DLGAP2: variants seen among roughly 807,000 people sequenced by gnomAD.
DLGAP2 encodes disks large-associated protein 2.
A neutral mutation model predicts 100.3 loss-of-function variants in DLGAP2; 26 were observed. The observed-to-expected ratio is 0.26, with a 90% CI of 0.19 to 0.36. The LOEUF (loss-of-function observed/expected upper bound fraction) is 0.36. Ranked by LOEUF, DLGAP2 falls within the 10% of genes least tolerant of loss-of-function variation. DLGAP2 has a pLI of 1.00. For synonymous variants in DLGAP2, 886 were observed against 630.1 expected (o/e 1.41, Z -6.08); for missense variants, 1,858 against 1,453.2 (o/e 1.28, Z -4.53).
At chr8:1,361,504 C>A (rs191948749) in intron 3 of DLGAP2, among the ~76,000 whole-genome samples, 1 of 152,300 alleles carries the variant, frequency 6.6e-6, no homozygotes, top group East Asian at 1.9e-4. Context: ...TGTAGGTAGC[C>A]GTCTGGTGCT....
At chr8:1,671,663 G>C (rs539572858) in intron 10 of DLGAP2, among the ~76,000 whole-genome samples, 2 of 152,342 alleles carry the variant, frequency 1.3e-5, no homozygotes, top group South Asian at 4.1e-4. Context: ...CCTAATGAGT[G>C]AGGGTCCTCA....
At chr8:867,075 A>AC (rs1409849911) in intron 1 of DLGAP2, among the ~76,000 whole-genome samples, 1 of 152,136 alleles carries the variant, frequency 6.6e-6, no homozygotes, top group Non-Finnish European at 1.5e-5. Flanking sequence ...CAGCTGTCTA[A>AC]CCCGGTACCA....
rs560609398 is a variant in DLGAP2, at chr8:1,684,212, G to T, written c.2704+5583G>T. Among the ~76,000 whole-genome samples the T allele has an allele frequency of 2.0e-5, 3 of 151,722 alleles. No individual in the cohort carries two copies. In the South Asian group the frequency reaches 6.3e-4, roughly 32 times the overall value. ...TGAACACAAGGAACAGAGAATGGAT[G>T]AACTTGATACTTTTTGTGATTTTCT... On this transcript the variant is annotated intron_variant, in intron 12 of 14. Coordinates refer to ENST00000637795, the MANE Select transcript of DLGAP2 (RefSeq NM_001346810.2).
At chr8:1,219,475 C>T (rs889583316) in intron 2 of DLGAP2, among the ~76,000 whole-genome samples, 8 of 152,022 alleles carry the variant, frequency 5.3e-5, no homozygotes, top group African/African-American at 9.7e-5. Context: ...CCTGCCTGAC[C>T]GTGGTGGATT....
rs1204022576 is a variant in DLGAP2 at position 1,315,400 on chromosome 8, A to C, written c.106+56517A>C. 1.4e-5 allele frequency among the ~76,000 whole-genome samples: 2 copies of C among 143,802 alleles called. 1 individual carries two copies. The highest frequency in any genetic ancestry group is 4.1e-4 in the East Asian group (2 of 4,876). The allele number at this position is 143,802 out of a possible 152,430, so 94.3% of individuals were successfully genotyped here. On this transcript the variant is annotated intron_variant, in intron 3 of 14. Transcript: ENST00000637795. ...TCTCTCCAACAGTGGTCTACACTCG[A>C]GAAACTCGGCAGCTTTTAAAAATAG...
rs1449975630 is a variant in DLGAP2 at position 1,506,587 on chromosome 8, C to T, written c.172+5156C>T. On this transcript the variant is annotated intron_variant, in intron 4 of 14. Transcript: ENST00000637795. ...ACAGCGTAAAAATTAAGCATCCACA[C>T]TGCCCAAGACGATCTCAGCAGGTTG... 3.3e-5 allele frequency among the ~76,000 whole-genome samples: 5 copies of T among 152,318 alleles called. No individual in the cohort carries two copies. The South Asian group carries it at 1.0e-3, about 32-fold the overall frequency.
intron 8 of DLGAP2, among the ~76,000 whole-genome samples, chr8:1,653,504 C>A (rs1798214216): frequency 6.6e-6 from 1 of 152,214 alleles, no homozygotes; most frequent in African/African-American, 2.4e-5. Flanking sequence ...GCTTACTGAT[C>A]CACATAGGCT....
intron 6 of DLGAP2, among the ~76,000 whole-genome samples, chr8:1,614,125 G>A (rs1198194300): frequency 4.6e-5 from 7 of 152,088 alleles, no homozygotes; most frequent in African/African-American, 1.7e-4. Context: ...CTGAGCCCTC[G>A]TAGCCCAGGG....
chr8:965,777 G>A (rs986293296), intron 2 of DLGAP2, among the ~76,000 whole-genome samples: 3 of 145,126 alleles, frequency 2.1e-5, no homozygotes, highest in Non-Finnish European at 4.5e-5. Context: ...CGCTGCACAC[G>A]GCACTGTTCA....
chr8:1,647,071 C>G (rs185997265), intron 8 of DLGAP2, among the ~76,000 whole-genome samples: 2 of 152,132 alleles, frequency 1.3e-5, no homozygotes, highest in African/African-American at 4.8e-5. Flanking sequence ...AGGCCACCAC[C>G]ATTGAAGGCC....
chr8:1,686,232 A>G (rs1799111303), intron 12 of DLGAP2, among the ~76,000 whole-genome samples: 1 of 152,226 alleles, frequency 6.6e-6, no homozygotes, highest in Non-Finnish European at 1.5e-5. Flanking sequence ...GTGTGTGAAT[A>G]ATATTCACAG....
In DLGAP2 at chr8:1,242,965, C is replaced by T. The variant is rs148127620; in HGVS notation, c.74-15886C>T. On this transcript the variant is annotated intron_variant, in intron 2 of 14. Coordinates refer to ENST00000637795, the MANE Select transcript of DLGAP2 (RefSeq NM_001346810.2). The stretch of plus-strand genomic sequence containing the variant: ...TAGATGGATGGATGGACAGAACTTT[C>T]TCTGATGACTCAAATATCACCCCAA... Among the ~76,000 whole-genome samples, 12 of 152,210 alleles carry T rather than the reference C, an allele frequency of 7.9e-5. No individual in the cohort carries two copies. The East Asian group carries it at 2.3e-3, about 29-fold the overall frequency.
At chr8:1,418,900 C>G (rs1314526233) in intron 3 of DLGAP2, among the ~76,000 whole-genome samples, 1 of 152,214 alleles carries the variant, frequency 6.6e-6, no homozygotes, top group Non-Finnish European at 1.5e-5. Flanking sequence ...GGCTCTACCT[C>G]CAGTTCAGTG....
intron 4 of DLGAP2, among the ~76,000 whole-genome samples, chr8:1,520,511 A>G (rs1490681521): frequency 6.6e-6 from 1 of 152,050 alleles, no homozygotes; most frequent in Non-Finnish European, 1.5e-5. Context: ...ACGAGTGTTT[A>G]ATGGTGTGGA....
chr8:1,481,998 C>T (rs1799113329), intron 3 of DLGAP2, among the ~76,000 whole-genome samples: 1 of 152,244 alleles, frequency 6.6e-6, no homozygotes, highest in Admixed American at 6.5e-5. Flanking sequence ...CTCAGCCCTC[C>T]TGTGGAACCA....
chr8:994,056 G>C (rs11775900), intron 2 of DLGAP2, among the ~76,000 whole-genome samples: 16,559 of 152,156 alleles, frequency 0.11, 1,115 homozygotes, highest in Non-Finnish European at 0.16. Context: ...GCGTTGCGTA[G>C]ACAGTACTAT....
intron 6 of DLGAP2, among the ~76,000 whole-genome samples, chr8:1,625,518 C>A (rs184426855): frequency 1.3e-5 from 2 of 152,184 alleles, no homozygotes; most frequent in African/African-American, 2.4e-5. Flanking sequence ...TTTCATTTAG[C>A]CTACTCCTCC....
At chr8:1,583,842 C>T (rs963789680) in intron 6 of DLGAP2, among the ~76,000 whole-genome samples, 1 of 152,080 alleles carries the variant, frequency 6.6e-6, no homozygotes, top group Non-Finnish European at 1.5e-5. Flanking sequence ...AGTGCAGATC[C>T]TTCGTGATCT....
intron 3 of DLGAP2, among the ~76,000 whole-genome samples, chr8:1,284,241 TCCAGGAGAG>T (rs1799877892): frequency 6.6e-6 from 1 of 152,138 alleles, no homozygotes; most frequent in African/African-American, 2.4e-5. Context: ...GGCTTACATT[TCCAGGAGAG>T]ATTTTTTGTT....
Sources: allele counts gnomAD v4.1 joint callset (sites outside exome capture counted in the v4.1 genomes callset), GRCh38; gene constraint gnomAD v4.1.1; transcripts MANE v1.5; gene names NCBI Gene and HGNC (gene_info 2026-07-23, HGNC 2026-07-21).